MANBAL: variants seen among roughly 807,000 people sequenced by gnomAD.
MANBAL encodes the protein mannosidase beta like, also known as protein MANBAL.
A neutral mutation model predicts 6.4 loss-of-function variants in MANBAL; 1 was observed. That is an observed-to-expected ratio of 0.16 (90% CI 0.06 to 0.74). MANBAL has a LOEUF of 0.74. Ranked by LOEUF, MANBAL falls within the 30% of genes least tolerant of loss-of-function variation. MANBAL has a pLI of 0.78. For synonymous variants in MANBAL, 47 were observed against 45.8 expected, an observed-to-expected ratio of 1.03 and a Z score of -0.10; for missense variants, 100 against 107.8, an observed-to-expected ratio of 0.93 and a Z score of 0.32.
chr20:37,305,802 G>A (rs1237968031), intron 2 of MANBAL, among the ~76,000 whole-genome samples: 8 of 151,576 alleles, frequency 5.3e-5, no homozygotes, highest in Non-Finnish European at 7.4e-5. Flanking sequence ...GGGTTCTGTC[G>A]CTAGCTCTCT....
At chr20:37,301,946 C>G (rs2069146444) in intron 2 of MANBAL, among the ~76,000 whole-genome samples, 1 of 152,212 alleles carries the variant, frequency 6.6e-6, no homozygotes. Context: ...ATTCAAGGAA[C>G]TGAATGAAGG....
At chr20:37,312,817 A>G (rs1316796916) in intron 2 of MANBAL, among the ~76,000 whole-genome samples, 1 of 152,188 alleles carries the variant, frequency 6.6e-6, no homozygotes, top group African/African-American at 2.4e-5. Context: ...AGCTGTTGTT[A>G]TTATTGGCAG....
intron 1 of MANBAL, among the ~76,000 whole-genome samples, chr20:37,289,892 C>T (rs1406000574): frequency 6.6e-6 from 1 of 152,246 alleles, no homozygotes; most frequent in Non-Finnish European, 1.5e-5. Context: ...AGGCGGAGGG[C>T]CTCGCCTGGG....
At chr20:37,302,347 C>G in intron 2 of MANBAL, 2 of 1,550,320 alleles carry the variant, frequency 1.3e-6, no homozygotes, top group Non-Finnish European at 1.7e-6. Context: ...AGAGCTGGTG[C>G]TATGTACTCC....
intron 2 of MANBAL, among the ~76,000 whole-genome samples, chr20:37,310,485 A>G (rs1226652268): frequency 6.6e-6 from 1 of 152,230 alleles, no homozygotes; most frequent in Non-Finnish European, 1.5e-5. Flanking sequence ...ATGCCTGAGT[A>G]TAGCACCTGG....
Position 37,301,254 on chromosome 20 carries a change from G to T in MANBAL, c.-10G>T. Reference sequence around the variant, plus strand: ...TCAGAAGAGACGTCAGGCAGCAAGCGACTTGGGCCATGGCCTCTGACCTAG... The same window carrying T: ...TCAGAAGAGACGTCAGGCAGCAAGCTACTTGGGCCATGGCCTCTGACCTAG... On this transcript the variant is annotated 5_prime_UTR_variant, in exon 2 of 3. Transcript: ENST00000373606. The T allele has an allele frequency of 6.3e-7, 1 of 1,584,836 alleles. No individual in the cohort carries two copies. Among genetic ancestry groups the T allele is most frequent in the South Asian group, 1.2e-5 (1 of 86,862 alleles).
intron 1 of MANBAL, chr20:37,296,919 T>A (rs1179489057): frequency 6.6e-6 from 1 of 152,212 alleles, no homozygotes; most frequent in Non-Finnish European, 1.5e-5. Context: ...TCCCAACTCT[T>A]GCCCTATCTT....
intron 2 of MANBAL, among the ~76,000 whole-genome samples, chr20:37,308,622 G>A (rs2069313189): frequency 6.6e-6 from 1 of 152,098 alleles, no homozygotes; most frequent in Non-Finnish European, 1.5e-5. Flanking sequence ...CATTTTCTGG[G>A]GGAGATGGTC....
At chr20:37,301,790 C>T (rs143425518) in intron 2 of MANBAL, among the ~76,000 whole-genome samples, 3 of 152,346 alleles carry the variant, frequency 2.0e-5, no homozygotes, top group African/African-American at 7.2e-5. Flanking sequence ...TTACCCTGGG[C>T]TGTGGGCCCT....
chr20:37,304,906 A>G (rs933416454), intron 2 of MANBAL, among the ~76,000 whole-genome samples: 4 of 152,202 alleles, frequency 2.6e-5, no homozygotes, highest in Non-Finnish European at 2.9e-5. Flanking sequence ...ATGTCATTTG[A>G]AGCCACGGCA....
intron 2 of MANBAL, among the ~76,000 whole-genome samples, chr20:37,314,440 A>C (rs536852555): frequency 6.6e-6 from 1 of 152,256 alleles, no homozygotes; most frequent in South Asian, 2.1e-4. Context: ...ACTGGGTCTC[A>C]CTGTCCCTGT....
chr20:37,301,388 T>C lies in MANBAL; in HGVS notation c.125T>C (p.Val42Ala), dbSNP rs1344479466. 1.2e-6 allele frequency: 2 copies of C among 1,612,976 alleles called. No homozygotes were observed. The highest frequency in any genetic ancestry group is 1.7e-6 in the Non-Finnish European group (2 of 1,179,240). The change falls in exon 2 of 3, where the codon GTA becomes GCA. Residue 42 changes from valine to alanine, a missense_variant. Physicochemically the swap from Val to Ala is moderately conservative, Grantham distance 64 (BLOSUM62 0). Transcript: ENST00000373606. ...CTCATCTGTGTGCTGGCCATCATCG[T>C]ACCCATTCCCAAGTCCCACGAGGCG... ...FQLICVLAII[V>A]PIPKSHEAEA...
rs1417868271 is a variant in MANBAL at position 37,301,364 on chromosome 20, T to G, written c.101T>G (p.Leu34Arg). 1.9e-6 allele frequency: 3 copies of G among 1,613,820 alleles called. No homozygotes were observed. The Admixed American group carries it at 5.0e-5, about 27-fold the overall frequency. ...YGLFLGAIFQ[L>R]ICVLAIIVPI... ...CTCTTCCTGGGAGCCATCTTCCAGC[T>G]CATCTGTGTGCTGGCCATCATCGTA... Residue 34 changes from leucine (L) to arginine (R), a missense_variant, in exon 2 of 3, where the codon CTC becomes CGC. Physicochemically the swap from Leu to Arg is moderately radical, Grantham distance 102 (BLOSUM62 -2). Transcript: ENST00000373606.
chr20:37,290,464 CTATT>C (rs2068841344), intron 1 of MANBAL, among the ~76,000 whole-genome samples: 1 of 148,812 alleles, frequency 6.7e-6, no homozygotes, highest in Non-Finnish European at 1.5e-5. Context: ...TAAAGCCATT[CTATT>C]TATTTATTTA....
chr20:37,290,202 G>A (rs948684632), intron 1 of MANBAL, among the ~76,000 whole-genome samples: 3 of 152,208 alleles, frequency 2.0e-5, no homozygotes, highest in African/African-American at 4.8e-5. Flanking sequence ...TAAGAGAAGC[G>A]AGAAATGAAT....
Position 37,304,814 on chromosome 20 carries a change from C to CA in MANBAL, c.150+3407dup, listed in dbSNP as rs2069221268. Among the ~76,000 whole-genome samples the CA allele has an allele frequency of 3.3e-5, 5 of 152,134 alleles. No homozygotes were observed. In the South Asian group the frequency reaches 1.0e-3, roughly 32 times the overall value. On this transcript the variant is annotated intron_variant, in intron 2 of 2. Coordinates refer to ENST00000373606, the MANE Select transcript of MANBAL (RefSeq NM_001003897.2). ...CTTTAACATGTCTGGGTGGTTCTGT[C>CA]AAAAAAGCCGGTGGATTTACAAGGT... is the stretch of plus-strand genomic sequence containing the variant.
intron 2 of MANBAL, among the ~76,000 whole-genome samples, chr20:37,302,816 C>T (rs1427396494): frequency 1.4e-4 from 20 of 147,956 alleles, no homozygotes; most frequent in African/African-American, 4.7e-4. Flanking sequence ...TTTTTATGTT[C>T]AGTGGGAGCC....
intron 2 of MANBAL, among the ~76,000 whole-genome samples, chr20:37,306,474 A>G (rs143219882): frequency 5.9e-5 from 9 of 152,304 alleles, no homozygotes; most frequent in African/African-American, 1.4e-4. Flanking sequence ...GCAAGAGTCA[A>G]TTTGTAAAAT....
chr20:37,314,993 C>T (rs73903454), intron 2 of MANBAL, among the ~76,000 whole-genome samples: 3,519 of 152,268 alleles, frequency 0.023, 136 homozygotes, highest in African/African-American at 0.08. Flanking sequence ...AAGTGTCCCC[C>T]CTCCCAGGAG....
Sources: gnomAD v4.1 joint callset for allele counts (sites outside exome capture counted in the v4.1 genomes callset) on GRCh38, gnomAD v4.1.1 for gene constraint, MANE v1.5 for transcripts, NCBI Gene and HGNC (gene_info 2026-07-23, HGNC 2026-07-21) for gene names.